TERB2: variants seen among roughly 807,000 people sequenced by gnomAD.
The protein encoded by TERB2 is telomere repeats-binding bouquet formation protein 2.
A neutral mutation model predicts 29.8 loss-of-function variants in TERB2; 26 were observed. The ratio of observed to expected loss-of-function variants is 0.87; its 90% CI spans 0.64 to 1.21. TERB2 has a LOEUF of 1.21. TERB2 is among the 50% of genes most tolerant of loss of function. The pLI, the probability that TERB2 is intolerant of heterozygous loss-of-function variation, is 0.00. For synonymous variants in TERB2, 80 were observed against 90.8 expected, an observed-to-expected ratio of 0.88 and a Z score of 0.68; for missense variants, 240 against 268.6, an observed-to-expected ratio of 0.89 and a Z score of 0.74.
rs1346793608 is a variant in TERB2, at chr15:44,960,986, C to T, written c.287-537C>T. ...TATAGCTATATAGACATTAGATATA[C>T]ATCTAATATATATCTAATGCATTAT... On this transcript the variant is annotated intron_variant, in intron 3 of 6. Coordinates refer to ENST00000340827, the MANE Select transcript of TERB2 (RefSeq NM_152448.3). Among the ~76,000 whole-genome samples, 12 of 151,690 alleles carry T rather than the reference C, an allele frequency of 7.9e-5. No homozygotes were observed. The East Asian group carries it at 1.5e-3, about 20-fold the overall frequency.
rs369544076 is a variant in TERB2, at chr15:44,964,767, A to ATAT, written c.349-1390_349-1388dup. Among the ~76,000 whole-genome samples, 27 of 152,216 alleles carry ATAT rather than the reference A, an allele frequency of 1.8e-4. No individual in the cohort carries two copies. In the East Asian group the frequency reaches 4.4e-3, roughly 25 times the overall value. The stretch of plus-strand genomic sequence containing the variant: ...AATTATAATAATGTAACCATAGAAT[A>ATAT]TATACGTGGAAGGTATTCATTGAAT... On this transcript the variant is annotated intron_variant, in intron 4 of 6. Coordinates refer to ENST00000340827, the MANE Select transcript of TERB2 (RefSeq NM_152448.3).
intron 6 of TERB2, among the ~76,000 whole-genome samples, chr15:44,975,497 T>C (rs1322486334): frequency 1.3e-5 from 2 of 152,166 alleles, no homozygotes; most frequent in African/African-American, 2.4e-5. Flanking sequence ...ACATTGACTA[T>C]TAAATTTCTG....
intron 5 of TERB2, among the ~76,000 whole-genome samples, chr15:44,971,832 C>CCA (rs1891975897): frequency 6.6e-6 from 1 of 151,732 alleles, no homozygotes; most frequent in African/African-American, 2.4e-5. Flanking sequence ...CATCCCCCCC[C>CCA]CTCCTTTTTT....
intron 2 of TERB2, among the ~76,000 whole-genome samples, chr15:44,957,912 C>A (rs938409215): frequency 6.6e-5 from 10 of 151,640 alleles, no homozygotes; most frequent in Admixed American, 2.0e-4. Context: ...TCAACCCGAA[C>A]TGCCATTATT....
At chr15:44,962,142 C>G (rs965859032) in intron 4 of TERB2, among the ~76,000 whole-genome samples, 1 of 150,862 alleles carries the variant, frequency 6.6e-6, no homozygotes, top group Non-Finnish European at 1.5e-5. Flanking sequence ...GCTTCTGTTA[C>G]TAATAAGAAG....
At chr15:44,963,739 A>G (rs74009498) in intron 4 of TERB2, among the ~76,000 whole-genome samples, 2 of 151,098 alleles carry the variant, frequency 1.3e-5, no homozygotes, top group African/African-American at 4.9e-5. Context: ...GAGGCACTCA[A>G]GGTGTCAGAA....
At position 44,962,565 on chromosome 15, in the gene TERB2, A is replaced by G. The variant is rs533123351; in HGVS notation, c.348+981A>G. ...ATGCACAGTTTGTTCAATGTTTTGA[A>G]TAACACGCCTCAATAAATGTGTACA... On this transcript the variant is annotated intron_variant, in intron 4 of 6. Transcript: ENST00000340827. Among the ~76,000 whole-genome samples, 390 of 152,268 alleles carry G rather than the reference A, an allele frequency of 2.6e-3. 2 individuals are homozygous for G. Among genetic ancestry groups the G allele is most frequent in the South Asian group, 6.0e-3 (29 of 4,828 alleles).
At chr15:44,972,976 G>A (rs1193686884) in intron 5 of TERB2, among the ~76,000 whole-genome samples, 1 of 149,732 alleles carries the variant, frequency 6.7e-6, no homozygotes, top group African/African-American at 2.5e-5. Flanking sequence ...TCTGCCTCCT[G>A]GGTTCAAGCA....
chr15:44,969,508 G>T (rs1891937342), intron 5 of TERB2, among the ~76,000 whole-genome samples: 1 of 151,838 alleles, frequency 6.6e-6, no homozygotes, highest in Admixed American at 6.6e-5. Flanking sequence ...ATAGTAGCAG[G>T]CCAGGCATGG....
chr15:44,961,779 A>C (rs1891807652), intron 4 of TERB2, among the ~76,000 whole-genome samples, 195 bp downstream of exon 4: 1 of 152,208 alleles, frequency 6.6e-6, no homozygotes, highest in Admixed American at 6.5e-5. Flanking sequence ...GGCTCACTGC[A>C]ACCTTTGCCT....
chr15:44,957,107 G>A, intron 2 of TERB2, 130 bp downstream of exon 2: 1 of 991,098 alleles, frequency 1.0e-6, no homozygotes, highest in Non-Finnish European at 1.5e-6. Context: ...CCAGCTACTG[G>A]GAAGACTGAA....
At chr15:44,967,478 T>C (rs1891908272) in intron 5 of TERB2, among the ~76,000 whole-genome samples, 1 of 152,198 alleles carries the variant, frequency 6.6e-6, no homozygotes, top group Admixed American at 6.5e-5. Flanking sequence ...GGACAAGATA[T>C]AAGGGGTGTT....
At position 44,970,678 on chromosome 15, in the gene TERB2, G is replaced by A. The variant is rs996667662; in HGVS notation, c.435-3189G>A. The A allele has an allele frequency of 2.3e-5, 4 of 171,052 alleles. No individual in the cohort carries two copies. The South Asian group carries it at 4.9e-4, about 21-fold the overall frequency. The allele number at this position is 171,052 out of a possible 1,614,324, so 10.6% of individuals were successfully genotyped here. A position where few individuals can be genotyped will look rare whatever the true frequency, so the allele number is the denominator to read the frequency against. On this transcript the variant is annotated intron_variant, in intron 5 of 6. Transcript: ENST00000340827. The stretch of plus-strand genomic sequence containing the variant: ...TCCTCATCAACTCTTGTTCCAAACC[G>A]TGGATCTTCAGGTTACAGCTTAACT...
intron 4 of TERB2, among the ~76,000 whole-genome samples, chr15:44,963,532 G>C (rs553440071): frequency 3.3e-5 from 5 of 152,124 alleles, no homozygotes; most frequent in African/African-American, 9.6e-5. Flanking sequence ...AAGACATTTG[G>C]AGAGCAATTG....
At chr15:44,963,804 CTTTTT>C (rs34438861) in intron 4 of TERB2, among the ~76,000 whole-genome samples, 1 of 79,166 alleles carries the variant, frequency 1.3e-5, no homozygotes, top group Non-Finnish European at 2.3e-5. Flanking sequence ...TTATACTATT[CTTTTT>C]TTTTTTTTTT....
chr15:44,974,902 CA>C (rs1283415404), intron 6 of TERB2, among the ~76,000 whole-genome samples: 1 of 151,784 alleles, frequency 6.6e-6, no homozygotes, highest in East Asian at 1.9e-4. Flanking sequence ...TTGGACTTAC[CA>C]AACATTTATT....
rs760316322 is a variant in TERB2, at chr15:44,956,694, A to C, written c.-25A>C. ...TCTCAGCTCTGCGGCCTCCTCTCTC[A>C]CATCTCCACAGGCTTGGCGACGCCA... On this transcript the variant is annotated 5_prime_UTR_variant, in exon 1 of 7. Transcript: ENST00000340827. 6.3e-7 allele frequency: 1 copy of C among 1,576,526 alleles called. No homozygotes were observed. Among genetic ancestry groups the C allele is most frequent in the Non-Finnish European group, 8.6e-7 (1 of 1,162,944 alleles).
chr15:44,957,145 C>T (rs541592220), intron 2 of TERB2, among the ~76,000 whole-genome samples, 168 bp downstream of exon 2: 2 of 150,260 alleles, frequency 1.3e-5, no homozygotes, highest in African/African-American at 4.9e-5. Context: ...ACTCGGGAGG[C>T]GGAGGTTGCA....
Position 44,978,463 on chromosome 15 carries a change from A to G in TERB2, c.524-26A>G, listed in dbSNP as rs765797514. On this transcript the variant is annotated intron_variant, in intron 6 of 6. Coordinates refer to ENST00000340827, the MANE Select transcript of TERB2 (RefSeq NM_152448.3). ...TAGTATGAGCGGGTTTTAAGTATAT[A>G]TCTTTTTTTAAATTTTATTTTGTAG... The G allele has an allele frequency of 1.9e-6, 3 of 1,566,316 alleles. No individual in the cohort carries two copies. In the East Asian group the frequency reaches 6.8e-5, roughly 35 times the overall value.
Sources: gnomAD v4.1 joint callset for allele counts (sites outside exome capture counted in the v4.1 genomes callset) on GRCh38, gnomAD v4.1.1 for gene constraint, MANE v1.5 for transcripts, NCBI Gene and HGNC (gene_info 2026-07-23, HGNC 2026-07-21) for gene names.